Variants in MTOR observed in about 807,000 individuals in gnomAD.
The protein encoded by MTOR is serine/threonine-protein kinase mTOR.
Under a neutral mutation model 319.8 loss-of-function variants are expected in MTOR, and 70 were observed. That is an observed-to-expected ratio of 0.22 (90% confidence interval 0.18 to 0.27). The LOEUF (loss-of-function observed/expected upper bound fraction) is 0.27, where lower values mean the gene tolerates loss of function less well. Ranked by LOEUF, MTOR falls within the 10% of genes least tolerant of loss-of-function variation. MTOR has a pLI of 1.00. For synonymous variants in MTOR, 1,183 were observed against 1,211.4 expected, an observed-to-expected ratio of 0.98 and a Z score of 0.49; for missense variants, 1,890 against 3,274.4, an observed-to-expected ratio of 0.58 and a Z score of 10.32.
chr1:11,135,758 G>A (rs758132964), intron 36 of MTOR, among the ~76,000 whole-genome samples: 2 of 151,720 alleles, frequency 1.3e-5, no homozygotes, highest in Non-Finnish European at 2.9e-5. Context: ...GTTTGAACCC[G>A]GGAGGCGGAG....
intron 6 of MTOR, among the ~76,000 whole-genome samples, chr1:11,253,339 G>GA (rs1217716129): frequency 6.6e-6 from 1 of 152,144 alleles, no homozygotes; most frequent in Non-Finnish European, 1.5e-5. Flanking sequence ...GTGATTGTTA[G>GA]AAACGCATGA....
rs1642943940 is a variant in MTOR at position 11,128,251 on chromosome 1, G to A, written c.5911-125C>T. The A allele has an allele frequency of 3.5e-6, 5 of 1,410,206 alleles. No homozygotes were observed. In the African/African-American group the frequency reaches 5.7e-5, roughly 16 times the overall value. The allele number at this position is 1,410,206 out of a possible 1,614,324, so 87.4% of individuals were successfully genotyped here. Reference sequence around the variant, plus strand: ...CATTAACATCTGCTTGAGACTACCAGGAAGGGGCTCAGTCTTCGAGGGAAC... The same window carrying A: ...CATTAACATCTGCTTGAGACTACCAAGAAGGGGCTCAGTCTTCGAGGGAAC... On this transcript the variant is annotated intron_variant, in intron 42 of 57. Transcript: ENST00000361445. This position sits in a 1 kb window ranked among gnomAD's most constrained non-coding sequence, Gnocchi z 5.3.
At chr1:11,203,699 T>G (rs1457492092) in intron 26 of MTOR, among the ~76,000 whole-genome samples, 1 of 152,214 alleles carries the variant, frequency 6.6e-6, no homozygotes, top group Non-Finnish European at 1.5e-5. Flanking sequence ...TGGCAAATTC[T>G]ATTTTCCAAA....
At chr1:11,232,874 ACAAAT>A (rs1437896726) in intron 15 of MTOR, 1 of 532,404 alleles carries the variant, frequency 1.9e-6, no homozygotes. Flanking sequence ...TGTCTCAAAA[ACAAAT>A]AAATAAAATA....
At chr1:11,192,195 G>A (rs1334450528) in intron 28 of MTOR, 34 of 1,085,524 alleles carry the variant, frequency 3.1e-5, no homozygotes, top group Non-Finnish European at 4.7e-5. Flanking sequence ...AGAAATAAAG[G>A]CTCAGTCTCT....
At chr1:11,177,482 C>T (rs1645026865) in intron 28 of MTOR, among the ~76,000 whole-genome samples, 1 of 152,116 alleles carries the variant, frequency 6.6e-6, no homozygotes, top group Admixed American at 6.5e-5. Flanking sequence ...CACTTGAGCC[C>T]ACGAGTGTGA....
intron 5 of MTOR, 26 bp from the exon 6 acceptor site, chr1:11,253,999 A>C (rs1162571977): frequency 1.2e-6 from 2 of 1,614,074 alleles, no homozygotes; most frequent in Admixed American, 3.3e-5. Context: ...GGGTGCCTTC[A>C]TTAGAGACAG....
In MTOR at chr1:11,256,064, G is replaced by A. The variant is rs139840351; in HGVS notation, c.633C>T (p.Ala211=). The change falls in exon 5 of 58, where the codon GCC becomes GCT. Residue 211 remains alanine (A), a synonymous_variant. Transcript: ENST00000361445. ...TGAGAATCAGACAGGCACGAAGGGC[G>A]GCTACAGCTCCCTCACGGATGGCCT... is the stretch of plus-strand genomic sequence containing the variant. ...PKQAIREGAV[A]ALRACLILTT... 1.7e-5 allele frequency: 27 copies of A among 1,613,972 alleles called. No homozygotes were observed. Among genetic ancestry groups the A allele is most frequent in the Middle Eastern group, 1.6e-4 (1 of 6,084 alleles).
intron 6 of MTOR, among the ~76,000 whole-genome samples, chr1:11,250,610 C>A (rs1273894681): frequency 1.1e-5 from 1 of 87,236 alleles, no homozygotes; most frequent in Non-Finnish European, 3.2e-5. Context: ...TCCAACTGTA[C>A]TAGTTCCCTT....
chr1:11,247,819 C>T lies in MTOR; in HGVS notation c.1116G>A (p.Gln372=), dbSNP rs2100939633. The change falls in exon 7 of 58, where the codon CAG becomes CAA. Residue 372 remains glutamine (Q), a splice_region_variant and synonymous_variant. Transcript: ENST00000361445. ...CRDLMEEKFD[Q]VCQWVLKCRN... is the part of the protein sequence containing the mutation. The stretch of plus-strand genomic sequence containing the variant: ...AGGGAAAGGGCCTCTCACCACTTAC[C>T]TGATCAAATTTCTCCTCCATCAAGT... 2.5e-6 allele frequency: 4 copies of T among 1,612,846 alleles called. No homozygotes were observed. Among genetic ancestry groups the T allele is most frequent in the Non-Finnish European group, 3.4e-6 (4 of 1,178,994 alleles).
intron 6 of MTOR, among the ~76,000 whole-genome samples, chr1:11,251,637 C>A (rs547616554): frequency 4.0e-4 from 59 of 147,570 alleles, no homozygotes; most frequent in African/African-American, 1.4e-3. Context: ...ATTTTAATAC[C>A]TTATATTTAG....
chr1:11,169,696 T>A (rs1206466425), intron 28 of MTOR, among the ~76,000 whole-genome samples: 1 of 152,264 alleles, frequency 6.6e-6, no homozygotes, highest in African/African-American at 2.4e-5. Context: ...TCAAAAATTT[T>A]AATTTTTAAT....
chr1:11,132,720 A>T, intron 38 of MTOR: 1 of 178,358 alleles, frequency 5.6e-6, no homozygotes, highest in South Asian at 1.7e-4. Flanking sequence ...TGCAAATCAG[A>T]AAAACGCTGA....
At chr1:11,125,165 A>T (rs749575326) in intron 46 of MTOR, among the ~76,000 whole-genome samples, 14 of 152,094 alleles carry the variant, frequency 9.2e-5, no homozygotes, top group Non-Finnish European at 1.8e-4. Context: ...TTGCTCTTTC[A>T]GTTCTGGAGT....
rs537622101 is a variant in MTOR, at chr1:11,220,605, A to C, written c.3031-4371T>G. 3.2e-4 allele frequency among the ~76,000 whole-genome samples: 49 copies of C among 152,308 alleles called. No individual in the cohort carries two copies. In the South Asian group the frequency reaches 8.1e-3, roughly 25 times the overall value. On this transcript the variant is annotated intron_variant, in intron 19 of 57. Transcript: ENST00000361445. ...AACAAACACGACATAAAACGACAAT[A>C]ATGTTTAATAAGATGGAGGAAGGGG... is the stretch of plus-strand genomic sequence containing the variant.
intron 29 of MTOR, among the ~76,000 whole-genome samples, chr1:11,166,395 T>G (rs1425881698): frequency 6.6e-6 from 1 of 152,014 alleles, no homozygotes; most frequent in Non-Finnish European, 1.5e-5. Context: ...TAAACAAATT[T>G]ACAAGAAAAA....
intron 10 of MTOR, 114 bp downstream of exon 10, chr1:11,241,439 T>A: frequency 7.6e-7 from 1 of 1,320,956 alleles, no homozygotes. Flanking sequence ...GTCTAAGCTA[T>A]CCTGTCCATC....
At chr1:11,114,215 G>T (rs1203321724) in intron 53 of MTOR, 103 bp downstream of exon 53, 3 of 1,456,216 alleles carry the variant, frequency 2.1e-6, no homozygotes, top group Non-Finnish European at 2.8e-6. Context: ...GGCTGGTCTC[G>T]AACTCCTGGC....
In MTOR at chr1:11,256,168, T is replaced by G. The variant is rs1462644506; in HGVS notation, c.529A>C (p.Ile177Leu). 6.2e-7 allele frequency: 1 copy of G among 1,614,110 alleles called. No homozygotes were observed. The highest frequency in any genetic ancestry group is 1.7e-5 in the Admixed American group (1 of 59,998). The part of the protein sequence containing the change: ...AAVLVLRELA[I>L]SVPTFFFQQV... ...TGGAAGAAGAAGGTAGGGACGCTGATGGCCAGCTCACGGAGAACCAGGACC... is the reference window on the plus strand; with the variant it reads ...TGGAAGAAGAAGGTAGGGACGCTGAGGGCCAGCTCACGGAGAACCAGGACC... Residue 177 changes from isoleucine to leucine, a missense_variant, in exon 5 of 58, where the codon ATC becomes CTC. This residue lies in a region of MTOR where 81 missense variants were observed against 203.6 expected (regional missense o/e 0.40). Coordinates refer to ENST00000361445, the MANE Select transcript of MTOR (RefSeq NM_004958.4).
Sources: allele counts gnomAD v4.1 joint callset (sites outside exome capture counted in the v4.1 genomes callset), GRCh38; gene constraint gnomAD v4.1.1; regional missense constraint gnomAD v4.1.1; non-coding constraint Gnocchi (gnomAD v3.1); transcripts MANE v1.5; gene names NCBI Gene and HGNC (gene_info 2026-07-23, HGNC 2026-07-21).